AQP2: variants seen among roughly 807,000 people sequenced by gnomAD.
The protein encoded by AQP2 is aquaporin-2.
In AQP2, 20 loss-of-function variants were observed where a neutral mutation model predicts 21.6. That is an observed-to-expected ratio of 0.92 (90% CI 0.65 to 1.34). The LOEUF is 1.34. Among genes scored for constraint, AQP2 ranks in the 40% most tolerant of loss-of-function variants. AQP2 has a pLI of 0.00. For synonymous variants in AQP2, 168 were observed against 166.9 expected (o/e 1.01, Z -0.05); for missense variants, 325 against 363.4 (o/e 0.89, Z 0.86).
chr12:49,953,502 A>G (rs1947343968), intron 1 of AQP2, among the ~76,000 whole-genome samples: 1 of 152,192 alleles, frequency 6.6e-6, no homozygotes. Flanking sequence ...ATTGTCCAAC[A>G]CAGCTCCAGG....
At chr12:49,952,934 G>A (rs573137212) in intron 1 of AQP2, among the ~76,000 whole-genome samples, 5 of 152,304 alleles carry the variant, frequency 3.3e-5, no homozygotes, top group African/African-American at 1.2e-4. Flanking sequence ...TTGGTACAAC[G>A]CTATAAGGGA....
rs527514396 is a variant in AQP2 at position 49,954,131 on chromosome 12, T to C, written c.361-24T>C. The C allele has an allele frequency of 1.0e-4, 167 of 1,597,550 alleles. No homozygotes were observed. In the East Asian group the frequency reaches 2.7e-3, roughly 26 times the overall value. On this transcript the variant is annotated intron_variant, in intron 1 of 3. Coordinates refer to ENST00000199280, the MANE Select transcript of AQP2 (RefSeq NM_000486.6). ...GAGGAAAGTGGGCTCAGTGTTCCCC[T>C]ACCCGCCTCTTCTCTGTCCCCAGCT...
chr12:49,951,380 A>C (rs1039768415), intron 1 of AQP2, 190 bp downstream of exon 1: 3 of 796,762 alleles, frequency 3.8e-6, no homozygotes, highest in Non-Finnish European at 5.7e-6. Context: ...ATACCAGAGC[A>C]AAGCAGGATG....
chr12:49,958,205 G>T lies in AQP2; in HGVS notation c.*2597G>T, dbSNP rs1221651790. On this transcript the variant is annotated 3_prime_UTR_variant, in exon 4 of 4. Coordinates refer to ENST00000199280, the MANE Select transcript of AQP2 (RefSeq NM_000486.6). ...CCAAAGCTTCCCCTTATCGTCCCCT[G>T]TGATTATCTCCCAACCCCGTGACAA... 2.6e-5 allele frequency: 4 copies of T among 152,220 alleles called. No homozygotes were observed. Among genetic ancestry groups the T allele is most frequent in the Non-Finnish European group, 5.9e-5 (4 of 68,052 alleles). 9.4% of individuals were successfully genotyped at this position (152,220 alleles called of 1,614,324 possible).
At chr12:49,954,588 C>T in intron 2 of AQP2, 42 bp from the exon 3 acceptor site, 1 of 1,605,820 alleles carries the variant, frequency 6.2e-7, no homozygotes, top group Non-Finnish European at 8.5e-7. Flanking sequence ...CCTGCCCTGT[C>T]CTCACCTCCC....
rs1208359305 is a variant in AQP2 at position 49,950,781 on chromosome 12, G to A, written c.-50G>A. On this transcript the variant is annotated 5_prime_UTR_variant, in exon 1 of 4. Transcript: ENST00000199280. Reference sequence around the variant, plus strand: ...GATAGAGTGCGAGAGCGAGTGCCCGGAGCATCCTGGCCCTGAGACAGCTGG... The same window carrying A: ...GATAGAGTGCGAGAGCGAGTGCCCGAAGCATCCTGGCCCTGAGACAGCTGG... 6.3e-7 allele frequency: 1 copy of A among 1,586,250 alleles called. No homozygotes were observed. Among genetic ancestry groups the A allele is most frequent in the Non-Finnish European group, 8.6e-7 (1 of 1,163,504 alleles).
intron 1 of AQP2, 89 bp from the exon 2 acceptor site, chr12:49,954,065 CT>C: frequency 6.5e-7 from 1 of 1,549,294 alleles, no homozygotes; most frequent in East Asian, 2.2e-5. Flanking sequence ...CAGAGGCCCC[CT>C]GGTGCCTCGA....
Position 49,957,696 on chromosome 12 carries a change from C to T in AQP2, c.*2088C>T, listed in dbSNP as rs1254786517. The T allele has an allele frequency of 1.3e-5, 2 of 152,258 alleles. No individual in the cohort carries two copies. The highest frequency in any genetic ancestry group is 6.5e-5 in the Admixed American group (1 of 15,278). 9.4% of individuals were successfully genotyped at this position (152,258 alleles called of 1,614,324 possible). A position where few individuals can be genotyped will look rare whatever the true frequency, so the allele number is the denominator to read the frequency against. On this transcript the variant is annotated 3_prime_UTR_variant, in exon 4 of 4. Coordinates refer to ENST00000199280, the MANE Select transcript of AQP2 (RefSeq NM_000486.6). ...AACCCCCAATAGCTAGTGACAGCCA[C>T]TTGGCCTCACTACCAGAAGAAGGGT...
chr12:49,955,327 C>T (rs1947358681), intron 3 of AQP2, 72 bp from the exon 4 acceptor site: 2 of 1,478,486 alleles, frequency 1.4e-6, no homozygotes, highest in East Asian at 2.4e-5. Flanking sequence ...GCAGAGTGTG[C>T]CGCCGGGGCC....
chr12:49,953,226 G>T (rs1791546094), intron 1 of AQP2, among the ~76,000 whole-genome samples: 1 of 152,170 alleles, frequency 6.6e-6, no homozygotes, highest in African/African-American at 2.4e-5. Flanking sequence ...GAGACCCAAG[G>T]GTTCTGACCT....
chr12:49,955,775 G>A lies in AQP2; in HGVS notation c.*167G>A. 1.1e-6 allele frequency: 1 copy of A among 947,642 alleles called. No individual in the cohort carries two copies. Among genetic ancestry groups the A allele is most frequent in the Non-Finnish European group, 1.6e-6 (1 of 612,420 alleles). 58.7% of individuals were successfully genotyped at this position (947,642 alleles called of 1,614,324 possible). On this transcript the variant is annotated 3_prime_UTR_variant, in exon 4 of 4. Transcript: ENST00000199280. ...CAGTGCTGTGAGCAGGCGGGGAGGA[G>A]GCTGCCGGAGGGAGCCCTGAGCCTG...
rs542628367 is a variant in AQP2 at position 49,951,552 on chromosome 12, G to A, written c.360+362G>A. On this transcript the variant is annotated intron_variant, in intron 1 of 3. Coordinates refer to ENST00000199280, the MANE Select transcript of AQP2 (RefSeq NM_000486.6). Reference sequence around the variant, plus strand: ...GCTTTCCAAGCTGCGGGGAGCCTTGGAGTGATCATCACAGGGTTCTCAAGA... The same window carrying A: ...GCTTTCCAAGCTGCGGGGAGCCTTGAAGTGATCATCACAGGGTTCTCAAGA... 4.0e-4 allele frequency: 112 copies of A among 277,394 alleles called. No homozygotes were observed. In the South Asian group the frequency reaches 9.8e-3, roughly 24 times the overall value. 17.2% of individuals were successfully genotyped at this position (277,394 alleles called of 1,614,324 possible). A position where few individuals can be genotyped will look rare whatever the true frequency, so the allele number is the denominator to read the frequency against.
rs539657032 is a variant in AQP2, at chr12:49,955,634, C to T, written c.*26C>T. 2.0e-6 allele frequency: 3 copies of T among 1,537,102 alleles called. No homozygotes were observed. Among genetic ancestry groups the T allele is most frequent in the African/African-American group, 1.4e-5 (1 of 73,214 alleles). ...GGGCCGCCAGCGGCCTCTACGGCCC[C>T]GACGGACGCTTGTGAGGCCCGAGGC... On this transcript the variant is annotated 3_prime_UTR_variant, in exon 4 of 4. Coordinates refer to ENST00000199280, the MANE Select transcript of AQP2 (RefSeq NM_000486.6).
Position 49,958,333 on chromosome 12 carries a change from A to C in AQP2, c.*2725A>C, listed in dbSNP as rs1077520. 0.22 allele frequency: 33,846 copies of C among 152,196 alleles called. 4,016 individuals are homozygous for C. Among genetic ancestry groups the C allele is most frequent in the East Asian group, 0.38 (1,983 of 5,168 alleles). 9.4% of individuals were successfully genotyped at this position (152,196 alleles called of 1,614,324 possible). A position where few individuals can be genotyped will look rare whatever the true frequency, so the allele number is the denominator to read the frequency against. On this transcript the variant is annotated 3_prime_UTR_variant, in exon 4 of 4. Coordinates refer to ENST00000199280, the MANE Select transcript of AQP2 (RefSeq NM_000486.6). ...TAGTATATGGTGGAGCCAACACTTG[A>C]ACTCAGACCTTTTTACACAAAATCC...
intron 1 of AQP2, chr12:49,952,157 C>T (rs531101779): frequency 6.6e-6 from 1 of 152,414 alleles, no homozygotes; most frequent in East Asian, 1.9e-4. Context: ...GAGATGGAGT[C>T]TCACTCTATT....
At chr12:49,951,280 T>C in intron 1 of AQP2, 90 bp downstream of exon 1, 4 of 1,466,136 alleles carry the variant, frequency 2.7e-6, no homozygotes, top group Non-Finnish European at 3.6e-6. Flanking sequence ...CTCTGGGTGA[T>C]GTAGGGAGAG....
chr12:49,953,688 G>A (rs1470594301), intron 1 of AQP2, among the ~76,000 whole-genome samples: 1 of 152,206 alleles, frequency 6.6e-6, no homozygotes, highest in Non-Finnish European at 1.5e-5. Context: ...CCCTGTCTCT[G>A]GGAGCCATTT....
chr12:49,955,076 C>T (rs765574705), intron 3 of AQP2, among the ~76,000 whole-genome samples: 1 of 152,186 alleles, frequency 6.6e-6, no homozygotes, highest in Non-Finnish European at 1.5e-5. Context: ...AACATTAACT[C>T]AGTTTTCACA....
chr12:49,954,317 G>T lies in AQP2; in HGVS notation c.523G>T (p.Gly175Trp). Residue 175 changes from glycine to tryptophan, a missense_variant and splice_region_variant, in exon 2 of 4, where the codon GGG becomes TGG. By Grantham distance (184) the Gly-to-Trp change is radical. Transcript: ENST00000199280. The stretch of plus-strand genomic sequence containing the variant: ...CTCTGTGGCCCTGGGCCACCTCCTT[G>T]GGGTAGGTCATGGCCATGGGTTCCA... ...GFSVALGHLL[G>W]IHYTGCSMNP... is the part of the protein sequence containing the mutation. 6.2e-7 allele frequency: 1 copy of T among 1,608,518 alleles called. No individual in the cohort carries two copies.
Sources: allele counts gnomAD v4.1 joint callset (sites outside exome capture counted in the v4.1 genomes callset), GRCh38; gene constraint gnomAD v4.1.1; transcripts MANE v1.5; gene names NCBI Gene and HGNC (gene_info 2026-07-23, HGNC 2026-07-21).